AFM: variants seen among roughly 807,000 people sequenced by gnomAD.
AFM encodes afamin.
Under a neutral mutation model 68.7 loss-of-function variants are expected in AFM, and 82 were observed. The ratio of observed to expected loss-of-function variants is 1.19; its 90% CI spans 1.00 to 1.43. AFM has a LOEUF of 1.43. AFM is among the 40% of genes most tolerant of loss of function. The pLI, the probability that AFM is intolerant of heterozygous loss-of-function variation, is 0.00. For synonymous variants in AFM, 250 were observed against 234.2 expected (o/e 1.07, Z -0.61); for missense variants, 772 against 701.8 (o/e 1.10, Z -1.13).
chr4:73,500,636 T>A (rs1450743100), intron 12 of AFM, among the ~76,000 whole-genome samples: 1 of 152,148 alleles, frequency 6.6e-6, no homozygotes, highest in East Asian at 1.9e-4. Context: ...TGCCAGGAAA[T>A]TAGACCTAGT....
At chr4:73,488,603 T>A (rs768053434) in intron 6 of AFM, 27 bp from the exon 7 acceptor site, 3 of 1,591,792 alleles carry the variant, frequency 1.9e-6, no homozygotes. Context: ...TCAAATTATT[T>A]TTGTGGTTTA....
chr4:73,487,074 A>G lies in AFM; in HGVS notation c.590A>G (p.Asn197Ser). The change falls in exon 5 of 15, where the codon AAC becomes AGC. Residue 197 changes from asparagine to serine, a missense_variant. Physicochemically the swap from Asn to Ser is conservative, Grantham distance 46. Coordinates refer to ENST00000226355, the MANE Select transcript of AFM (RefSeq NM_001133.2). Reference protein sequence around the residue: ...EVAKSCCEEQNKVNCLQTRAI... With the variant: ...EVAKSCCEEQSKVNCLQTRAI... ...GCCAAATCATGTTGTGAAGAACAAA[A>G]CAAAGTCAACTGCCTTCAAACAAGG... is the stretch of plus-strand genomic sequence containing the variant. The G allele has an allele frequency of 6.2e-7, 1 of 1,614,054 alleles. No homozygotes were observed. The highest frequency in any genetic ancestry group is 8.5e-7 in the Non-Finnish European group (1 of 1,179,950).
intron 6 of AFM, 137 bp from the exon 7 acceptor site, chr4:73,488,493 A>G (rs1303376552): frequency 1.4e-6 from 1 of 702,688 alleles, no homozygotes; most frequent in East Asian, 3.0e-5. Context: ...CTATTTGATA[A>G]AGACTTCTAT....
chr4:73,483,606 C>T (rs893089861), intron 1 of AFM, among the ~76,000 whole-genome samples: 1 of 152,236 alleles, frequency 6.6e-6, no homozygotes, highest in Non-Finnish European at 1.5e-5. Flanking sequence ...CTTCATATCA[C>T]TTCTCTAGTC....
chr4:73,493,052 C>T (rs908775987), intron 8 of AFM, among the ~76,000 whole-genome samples: 8 of 152,090 alleles, frequency 5.3e-5, no homozygotes, highest in South Asian at 2.1e-4. Flanking sequence ...TATAGGGACC[C>T]TGGAAAGGCT....
rs868825067 is a variant in AFM, at chr4:73,485,999, GC to G, written c.410del (p.Pro137LeufsTer23). 6.2e-7 allele frequency: 1 copy of G among 1,613,846 alleles called. No homozygotes were observed. The highest frequency in any genetic ancestry group is 1.3e-5 in the African/African-American group (1 of 74,888). ...YNKKSDVGFLPPFPTLDPEEK... is the reference protein window; with the variant it reads ...YNKKSDVGFLXPFPTLDPEEK... ...ACAAGAAATCTGATGTGGGATTTCTGCCTCCTTTCCCTACCCTGGATCCCGA... is the reference window on the plus strand; with the variant it reads ...ACAAGAAATCTGATGTGGGATTTCTGCTCCTTTCCCTACCCTGGATCCCGA... On this transcript the variant is annotated frameshift_variant, in exon 4 of 15. Transcript: ENST00000226355. LOFTEE classifies it high-confidence loss of function.
At chr4:73,502,214 C>T (rs1420693936) in intron 13 of AFM, among the ~76,000 whole-genome samples, 1 of 152,092 alleles carries the variant, frequency 6.6e-6, no homozygotes, top group Non-Finnish European at 1.5e-5. Flanking sequence ...AATAATTATC[C>T]CTGAATTACA....
At position 73,488,679 on chromosome 4, in the gene AFM, C is replaced by T. The variant is rs768923786; in HGVS notation, c.763C>T (p.Leu255Phe). The T allele has an allele frequency of 5.6e-6, 9 of 1,612,622 alleles. No homozygotes were observed. Among genetic ancestry groups the T allele is most frequent in the Non-Finnish European group, 7.6e-6 (9 of 1,179,102 alleles). The change falls in exon 7 of 15, where the codon CTT (leucine) becomes TTT (phenylalanine). Residue 255 changes from leucine to phenylalanine, a missense_variant. Leu to Phe is a conservative substitution (Grantham distance 22). Transcript: ENST00000226355. The stretch of plus-strand genomic sequence containing the variant: ...ATTCCCCAAGATTGAATTTAAGGAG[C>T]TTATTTCTCTTGTAGAAGATGTTTC... ...QKFPKIEFKELISLVEDVSSN... is the reference protein window; with the variant it reads ...QKFPKIEFKEFISLVEDVSSN...
chr4:73,494,963 A>G (rs1238977104), intron 8 of AFM, among the ~76,000 whole-genome samples: 1 of 152,238 alleles, frequency 6.6e-6, no homozygotes, highest in Non-Finnish European at 1.5e-5. Context: ...TTCAAACATA[A>G]TTATAAGCAA....
chr4:73,502,037 G>A, intron 13 of AFM, 118 bp downstream of exon 13: 1 of 1,106,860 alleles, frequency 9.0e-7, no homozygotes. Context: ...ACATTTGAGA[G>A]CACAATTGCT....
chr4:73,487,644 TTGAA>T, intron 5 of AFM, 76 bp from the exon 6 acceptor site: 1 of 964,552 alleles, frequency 1.0e-6, no homozygotes, highest in Non-Finnish European at 1.6e-6. Flanking sequence ...TTGTAATAGT[TTGAA>T]TGAAATATGA....
intron 13 of AFM, among the ~76,000 whole-genome samples, 171 bp from the exon 14 acceptor site, chr4:73,502,879 A>G (rs560448436): frequency 9.5e-4 from 145 of 152,300 alleles, no homozygotes; most frequent in Middle Eastern, 6.8e-3. Flanking sequence ...AGTTGTAAAG[A>G]GCCTTTCGGT....
At position 73,491,949 on chromosome 4, in the gene AFM, A is replaced by G; in HGVS notation, c.921A>G (p.Ile307Met). 1 of 1,614,090 alleles carries G rather than the reference A, an allele frequency of 6.2e-7. No homozygotes were observed. Among genetic ancestry groups the G allele is most frequent in the Non-Finnish European group, 8.5e-7 (1 of 1,179,952 alleles). ...SKIKECCEKK[I>M]PERGQCIINS... ...TCAAAGAGTGCTGTGAAAAGAAAAT[A>G]CCAGAGCGCGGCCAGTGCATAATTA... is the stretch of plus-strand genomic sequence containing the variant. The change falls in exon 8 of 15, where the codon ATA (isoleucine) becomes ATG (methionine). Residue 307 changes from isoleucine to methionine, a missense_variant. Ile to Met is a conservative substitution (Grantham distance 10). Transcript: ENST00000226355.
At chr4:73,492,588 C>T (rs887308392) in intron 8 of AFM, among the ~76,000 whole-genome samples, 10 of 150,914 alleles carry the variant, frequency 6.6e-5, no homozygotes, top group African/African-American at 2.2e-4. Context: ...TATTTGAGTT[C>T]TGGTTGAGTT....
chr4:73,500,294 G>T, intron 12 of AFM, 67 bp downstream of exon 12: 3 of 1,329,102 alleles, frequency 2.3e-6, no homozygotes, highest in African/African-American at 1.5e-5. Context: ...TAGTGAGAAG[G>T]TTTATCTAGT....
Position 73,497,742 on chromosome 4 carries a change from A to G in AFM, c.1282A>G (p.Lys428Glu), listed in dbSNP as rs753837615. ...CCAGAATTTGGGGAAGGATGGTTTG[A>G]AATACCAGTATGTTGTTTGCACAAG... Reference protein sequence around the residue: ...HFQNLGKDGLKYHYLIRLTKI... With the variant: ...HFQNLGKDGLEYHYLIRLTKI... The change falls in exon 10 of 15, where the codon AAA becomes GAA. Residue 428 changes from lysine (K) to glutamate (E), a missense_variant. By Grantham distance (56) the Lys-to-Glu change is moderately conservative. Coordinates refer to ENST00000226355, the MANE Select transcript of AFM (RefSeq NM_001133.2). 1.3e-6 allele frequency: 2 copies of G among 1,589,986 alleles called. No individual in the cohort carries two copies. The highest frequency in any genetic ancestry group is 1.7e-6 in the Non-Finnish European group (2 of 1,162,462).
chr4:73,484,564 T>C (rs558453579), intron 3 of AFM, among the ~76,000 whole-genome samples, 174 bp downstream of exon 3: 1 of 150,854 alleles, frequency 6.6e-6, no homozygotes, highest in African/African-American at 2.4e-5. Flanking sequence ...TGAAACAGAG[T>C]CTCGCTCTGT....
At chr4:73,493,483 G>T (rs1325981847) in intron 8 of AFM, among the ~76,000 whole-genome samples, 1 of 152,172 alleles carries the variant, frequency 6.6e-6, no homozygotes, top group East Asian at 1.9e-4. Context: ...TGAACCTGTA[G>T]CTCTGGAAGG....
chr4:73,495,115 AG>A, intron 8 of AFM, 184 bp from the exon 9 acceptor site: 1 of 440,096 alleles, frequency 2.3e-6, no homozygotes, highest in Non-Finnish European at 4.0e-6. Flanking sequence ...GTACCATGGA[AG>A]AGAACTTTTG....
Sources: allele counts gnomAD v4.1 joint callset (sites outside exome capture counted in the v4.1 genomes callset), GRCh38; gene constraint gnomAD v4.1.1; transcripts MANE v1.5; gene names NCBI Gene and HGNC (gene_info 2026-07-23, HGNC 2026-07-21).